Variants in APOBEC3B observed in about 807,000 individuals in gnomAD.
APOBEC3B encodes the protein DNA dC->dU-editing enzyme APOBEC-3B.
Under a neutral mutation model 53.4 loss-of-function variants are expected in APOBEC3B, and 29 were observed. The observed-to-expected ratio is 0.54, with a 90% CI of 0.40 to 0.74. The LOEUF (loss-of-function observed/expected upper bound fraction) is 0.74, where lower values mean the gene tolerates loss of function less well. Among genes scored for constraint, APOBEC3B ranks in the 30% least tolerant of loss-of-function variants. APOBEC3B has a pLI of 0.00. For missense variants in APOBEC3B, 347 were observed against 496.2 expected (o/e 0.70, Z 2.86); for synonymous variants, 132 against 184.8 (o/e 0.71, Z 2.32).
In APOBEC3B at chr22:38,984,061, TC is replaced by T. The variant is rs576699772; in HGVS notation, c.18-13del. ...GGCTCCCTGCATGGGCCGGTTTCTC[TC>T]TTGTGCCTTCAGAAATCCGATGGAG... On this transcript the variant is annotated splice_polypyrimidine_tract_variant and intron_variant, in intron 1 of 7. Coordinates refer to ENST00000333467, the MANE Select transcript of APOBEC3B (RefSeq NM_004900.5). The T allele has an allele frequency of 4.3e-4, 682 of 1,573,682 alleles. 29 individuals are homozygous for T. In the African/African-American group the frequency reaches 8.4e-3, roughly 19 times the overall value.
intron 4 of APOBEC3B, among the ~76,000 whole-genome samples, chr22:38,988,687 T>TTCTCTCTTTCTC (rs1923847618): frequency 8.9e-5 from 4 of 45,192 alleles, no homozygotes; most frequent in African/African-American, 3.7e-4. Flanking sequence ...CTCTTTCTCT[T>TTCTCTCTTTCTC]TCTTTCTTTC....
chr22:38,983,885 C>T (rs944742613), intron 1 of APOBEC3B, among the ~76,000 whole-genome samples, 190 bp from the exon 2 acceptor site: 2 of 148,188 alleles, frequency 1.3e-5, no homozygotes, highest in African/African-American at 4.9e-5. Context: ...CACCCCAGCC[C>T]GCCTGCCAGC....
intron 4 of APOBEC3B, 47 bp from the exon 5 acceptor site, chr22:38,989,410 C>A (rs1182489850): frequency 6.7e-7 from 1 of 1,501,164 alleles, no homozygotes; most frequent in Non-Finnish European, 9.0e-7. Context: ...AGAGGTAGTC[C>A]CAGGAGGAGT....
rs199555162 is a variant in APOBEC3B, at chr22:38,989,424, A to G, written c.570-33A>G. On this transcript the variant is annotated intron_variant, in intron 4 of 7. Coordinates refer to ENST00000333467, the MANE Select transcript of APOBEC3B (RefSeq NM_004900.5). ...GAGAGGTAGTCCCAGGAGGAGTCTT[A>G]GGGCTTTTGGTTTCCCCTGTCTTTG... is the stretch of plus-strand genomic sequence containing the variant. 2,959 of 1,538,388 alleles carry G rather than the reference A, an allele frequency of 1.9e-3. 194 individuals carry two copies. The highest frequency in any genetic ancestry group is 1.4e-3 in the Non-Finnish European group (1,615 of 1,134,614).
chr22:38,986,656 A>G (rs1265511451), intron 4 of APOBEC3B, among the ~76,000 whole-genome samples: 4 of 148,620 alleles, frequency 2.7e-5, no homozygotes, highest in Non-Finnish European at 4.5e-5. Flanking sequence ...AGAGGAACAA[A>G]CAGCAAGACA....
At chr22:38,989,414 G>A (rs749819287) in intron 4 of APOBEC3B, 43 bp from the exon 5 acceptor site, 4 of 1,512,718 alleles carry the variant, frequency 2.6e-6, no homozygotes, top group Non-Finnish European at 3.6e-6. Context: ...GTAGTCCCAG[G>A]AGGAGTCTTA....
At position 38,984,975 on chromosome 22, in the gene APOBEC3B, C is replaced by G. The variant is rs889520537; in HGVS notation, c.174+744C>G. Among the ~76,000 whole-genome samples, 8 of 138,104 alleles carry G rather than the reference C, an allele frequency of 5.8e-5. 1 individual carries two copies. The highest frequency in any genetic ancestry group is 1.1e-4 in the Non-Finnish European group (7 of 65,156). 90.6% of individuals were successfully genotyped at this position (138,104 alleles called of 152,430 possible). On this transcript the variant is annotated intron_variant, in intron 2 of 7. Transcript: ENST00000333467. Reference sequence around the variant, plus strand: ...GGAGTGCAATTGCACAATCTTGGCTCACTACAACCTCCACCTCTCAGGTTC... The same window carrying G: ...GGAGTGCAATTGCACAATCTTGGCTGACTACAACCTCCACCTCTCAGGTTC...
chr22:38,991,948 G>A, intron 6 of APOBEC3B, 86 bp from the exon 7 acceptor site: 1 of 1,452,472 alleles, frequency 6.9e-7, no homozygotes, highest in Non-Finnish European at 9.1e-7. Flanking sequence ...CCAGGATGTG[G>A]GAAGTCTGTC....
In APOBEC3B at chr22:38,988,712, T is replaced by G. The variant is rs1440152573; in HGVS notation, c.570-745T>G. 8.8e-4 allele frequency among the ~76,000 whole-genome samples: 111 copies of G among 126,272 alleles called. 6 individuals carry two copies. The highest frequency in any genetic ancestry group is 7.3e-3 in the Middle Eastern group (2 of 274). The allele number at this position is 126,272 out of a possible 152,430, so 82.8% of individuals were successfully genotyped here. A position where few individuals can be genotyped will look rare whatever the true frequency, so the allele number is the denominator to read the frequency against. On this transcript the variant is annotated intron_variant, in intron 4 of 7. Coordinates refer to ENST00000333467, the MANE Select transcript of APOBEC3B (RefSeq NM_004900.5). ...TTCTTTCTTTCTTTCTTTCTTTCTTTCTTTCTTTCTTTCTTTCTTTCTTTC... is the reference window on the plus strand; with the variant it reads ...TTCTTTCTTTCTTTCTTTCTTTCTTGCTTTCTTTCTTTCTTTCTTTCTTTC...
In APOBEC3B at chr22:38,991,396, C is replaced by T. The variant is rs200037182; in HGVS notation, c.788C>T (p.Pro263Leu). Residue 263 changes from proline to leucine, a missense_variant, in exon 6 of 8, where the codon CCT becomes CTT. This residue lies in a region of APOBEC3B where 20 missense variants were observed against 83.9 expected (regional missense o/e 0.24). Coordinates refer to ENST00000333467, the MANE Select transcript of APOBEC3B (RefSeq NM_004900.5). Reference sequence around the variant, plus strand: ...GAGCTGCGCTTCTTGGACCTGGTTCCTTCTTTGCAGTTGGACCCGGCCCAG... The same window carrying T: ...GAGCTGCGCTTCTTGGACCTGGTTCTTTCTTTGCAGTTGGACCCGGCCCAG... ...HAELRFLDLV[P>L]SLQLDPAQIY... The T allele has an allele frequency of 3.8e-6, 6 of 1,567,392 alleles. No homozygotes were observed. Among genetic ancestry groups the T allele is most frequent in the Admixed American group, 3.6e-5 (2 of 55,702 alleles).
rs1317657637 is a variant in APOBEC3B, at chr22:38,988,748, C to CTTT, written c.570-709_570-708insTTT. On this transcript the variant is annotated intron_variant, in intron 4 of 7. Coordinates refer to ENST00000333467, the MANE Select transcript of APOBEC3B (RefSeq NM_004900.5). ...TTCTTTCTTTCTTTCTTTCTTTCTT[C>CTTT]CTTTCTTCTCTCTCGTCTTTCTTCT... Among the ~76,000 whole-genome samples, 36 of 65,910 alleles carry CTTT rather than the reference C, an allele frequency of 5.5e-4. 1 individual carries two copies. Among genetic ancestry groups the CTTT allele is most frequent in the African/African-American group, 1.5e-3 (26 of 17,142 alleles). The allele number at this position is 65,910 out of a possible 152,430, so 43.2% of individuals were successfully genotyped here.
Position 38,992,747 on chromosome 22 carries a change from A to G in APOBEC3B, c.*302A>G. 2 of 727,456 alleles carry G rather than the reference A, an allele frequency of 2.7e-6. No individual in the cohort carries two copies. The highest frequency in any genetic ancestry group is 5.7e-5 in the East Asian group (2 of 35,094). 45.1% of individuals were successfully genotyped at this position (727,456 alleles called of 1,614,324 possible). A position where few individuals can be genotyped will look rare whatever the true frequency, so the allele number is the denominator to read the frequency against. ...TCCATATTTAGACTAATAAAACATT[A>G]AGAATCTTCCATAATTGTTTCCACA... On this transcript the variant is annotated 3_prime_UTR_variant, in exon 8 of 8. Transcript: ENST00000333467.
rs1382376608 is a variant in APOBEC3B, at chr22:38,984,917, T to C, written c.174+686T>C. On this transcript the variant is annotated intron_variant, in intron 2 of 7. Coordinates refer to ENST00000333467, the MANE Select transcript of APOBEC3B (RefSeq NM_004900.5). Reference sequence around the variant, plus strand: ...TTCCTTTTTTTTTTTTTTTTTTTTTTCCGAGATGGAGTCTCGCTCTGGCAC... The same window carrying C: ...TTCCTTTTTTTTTTTTTTTTTTTTTCCCGAGATGGAGTCTCGCTCTGGCAC... 2.9e-4 allele frequency among the ~76,000 whole-genome samples: 31 copies of C among 105,988 alleles called. 2 individuals are homozygous for C. The highest frequency in any genetic ancestry group is 3.6e-4 in the East Asian group (1 of 2,760). 69.5% of individuals were successfully genotyped at this position (105,988 alleles called of 152,430 possible).
intron 4 of APOBEC3B, among the ~76,000 whole-genome samples, chr22:38,988,693 C>CTTTCTTTCTTTCT (rs1923850460): frequency 9.0e-6 from 1 of 110,538 alleles, no homozygotes; most frequent in Non-Finnish European, 1.8e-5. Flanking sequence ...CTCTTTCTTT[C>CTTTCTTTCTTTCT]TTTCTTTCTT....
chr22:38,986,810 A>G lies in APOBEC3B; in HGVS notation c.569+398A>G, dbSNP rs1923759832. ...GGGGCACCCATGGCATCCTGGGGGG[A>G]CATCTGAGGGCCACCCCCACCCGCT... On this transcript the variant is annotated intron_variant, in intron 4 of 7. Transcript: ENST00000333467. Among the ~76,000 whole-genome samples, 3 of 148,628 alleles carry G rather than the reference A, an allele frequency of 2.0e-5. 1 individual carries two copies. In the East Asian group the frequency reaches 6.8e-4, roughly 34 times the overall value.
chr22:38,991,573 CGCTGCAAAT>C lies in APOBEC3B; in HGVS notation c.971_979del (p.Gln324_Leu326del), dbSNP rs1224433300. The C allele has an allele frequency of 6.3e-7, 1 of 1,591,942 alleles. No homozygotes were observed. Among genetic ancestry groups the C allele is most frequent in the Non-Finnish European group, 8.5e-7 (1 of 1,172,140 alleles). On this transcript the variant is annotated inframe_deletion, in exon 6 of 8. Coordinates refer to ENST00000333467, the MANE Select transcript of APOBEC3B (RefSeq NM_004900.5). ...GATTACGACCCCCTATATAAGGAGG[CGCTGCAAAT>C]GCTGCGGGATGCTGGGGCCCAAGTC...
chr22:38,987,618 A>G (rs1302527852), intron 4 of APOBEC3B, among the ~76,000 whole-genome samples: 1 of 148,326 alleles, frequency 6.7e-6, no homozygotes, highest in Non-Finnish European at 1.5e-5. Context: ...GTCTTAGGAG[A>G]GGGTGTGGGG....
intron 2 of APOBEC3B, among the ~76,000 whole-genome samples, chr22:38,985,289 A>T (rs942421424): frequency 1.4e-5 from 2 of 147,580 alleles, no homozygotes; most frequent in Non-Finnish European, 3.0e-5. Flanking sequence ...CTGGAGTGCA[A>T]TGACTCACTC....
rs990636309 is a variant in APOBEC3B at position 38,987,570 on chromosome 22, A to G, written c.569+1158A>G. 9.4e-5 allele frequency among the ~76,000 whole-genome samples: 14 copies of G among 148,214 alleles called. 2 individuals are homozygous for G. The highest frequency in any genetic ancestry group is 6.9e-4 in the Admixed American group (10 of 14,442). On this transcript the variant is annotated intron_variant, in intron 4 of 7. Coordinates refer to ENST00000333467, the MANE Select transcript of APOBEC3B (RefSeq NM_004900.5). ...CAGGCATTTTGTTCTTAGCATTTTG[A>G]TGGAATTTCTGTAAGATTTACTTTG... is the stretch of plus-strand genomic sequence containing the variant.
Sources: gnomAD v4.1 joint callset for allele counts (sites outside exome capture counted in the v4.1 genomes callset) on GRCh38, gnomAD v4.1.1 for gene constraint, gnomAD v4.1.1 regional missense constraint, MANE v1.5 for transcripts, NCBI Gene and HGNC (gene_info 2026-07-23, HGNC 2026-07-21) for gene names.